The following LRRC4B variants were observed in gnomAD, a reference collection of about 807,000 sequenced individuals.
The protein encoded by LRRC4B is leucine-rich repeat-containing protein 4B.
LRRC4B carries 1 observed loss-of-function variant against 7.3 expected under a neutral mutation model. The observed-to-expected ratio is 0.14, with a 90% CI of 0.05 to 0.65. The LOEUF (loss-of-function observed/expected upper bound fraction) is 0.65. Ranked by LOEUF, LRRC4B falls within the 30% of genes least tolerant of loss-of-function variation. The pLI is 0.84. For missense variants in LRRC4B, 730 were observed against 1,041.6 expected, an observed-to-expected ratio of 0.70 and a Z score of 4.12; for synonymous variants, 500 against 499.2, an observed-to-expected ratio of 1.00 and a Z score of -0.02.
chr19:50,543,863 AAAAAAAAAAAGAAAG>A (rs1363244603), intron 2 of LRRC4B, among the ~76,000 whole-genome samples: 2 of 150,944 alleles, frequency 1.3e-5, no homozygotes, highest in Non-Finnish European at 3.0e-5. Flanking sequence ...AAAAAAAAAA[AAAAAAAAAAAGAAAG>A]AAAAGAAAAA....
chr19:50,538,671 C>T (rs747448587), intron 2 of LRRC4B, among the ~76,000 whole-genome samples: 1 of 145,834 alleles, frequency 6.9e-6, no homozygotes, highest in Non-Finnish European at 1.5e-5. Flanking sequence ...TGGCCTCATG[C>T]AATCTTCCCA....
In LRRC4B at chr19:50,563,538, C is replaced by A. The variant is rs1982536093; in HGVS notation, c.-36+4406G>T. Among the ~76,000 whole-genome samples, 1 of 152,142 alleles carries A rather than the reference C, an allele frequency of 6.6e-6. No individual in the cohort carries two copies. Among genetic ancestry groups the A allele is most frequent in the Admixed American group, 6.5e-5 (1 of 15,270 alleles). Reference sequence around the variant, plus strand: ...TTGCACCCCTATCTGGAGGTGAGGCCCTCCCTCCAGAAACAGCGTCCGCAT... The same window carrying A: ...TTGCACCCCTATCTGGAGGTGAGGCACTCCCTCCAGAAACAGCGTCCGCAT... On this transcript the variant is annotated intron_variant, in intron 1 of 2. Coordinates refer to ENST00000652263, the MANE Select transcript of LRRC4B (RefSeq NM_001080457.2). This position sits in a 1 kb window ranked among gnomAD's most constrained non-coding sequence, Gnocchi z 4.9.
chr19:50,523,570 C>T (rs939355925), intron 2 of LRRC4B, among the ~76,000 whole-genome samples: 20 of 151,220 alleles, frequency 1.3e-4, no homozygotes, highest in African/African-American at 3.4e-4. Context: ...CCCAGTTACT[C>T]GGGAGACTGA....
intron 2 of LRRC4B, among the ~76,000 whole-genome samples, chr19:50,542,151 G>A (rs1981576707): frequency 1.3e-5 from 2 of 152,206 alleles, no homozygotes; most frequent in Admixed American, 6.5e-5. Context: ...TGTGGGGAGA[G>A]GGTAAGGCGG....
At chr19:50,530,897 C>T (rs898996450) in intron 2 of LRRC4B, among the ~76,000 whole-genome samples, 15 of 143,240 alleles carry the variant, frequency 1.0e-4, no homozygotes, top group South Asian at 2.2e-4. Flanking sequence ...CCACCATGCA[C>T]GATTAATTTT....
intron 2 of LRRC4B, among the ~76,000 whole-genome samples, chr19:50,538,353 G>A (rs1356841946): frequency 6.6e-6 from 1 of 152,168 alleles, no homozygotes; most frequent in Non-Finnish European, 1.5e-5. Flanking sequence ...GCGAGCCACC[G>A]CGCCCGGCCC....
rs936965254 is a variant in LRRC4B, at chr19:50,537,831, T to C, written c.297+10711A>G. ...CCCCGAGATGGCGCTGCTGAGGGAA[T>C]GAAGAGGATAACTCAGCTGGAATGA... On this transcript the variant is annotated intron_variant, in intron 2 of 2. Transcript: ENST00000652263. The surrounding 1 kb of genome is among the most constrained non-coding windows in gnomAD (Gnocchi z 5.5). Among the ~76,000 whole-genome samples, 4 of 151,862 alleles carry C rather than the reference T, an allele frequency of 2.6e-5. No homozygotes were observed. Among genetic ancestry groups the C allele is most frequent in the African/African-American group, 9.7e-5 (4 of 41,326 alleles).
intron 2 of LRRC4B, among the ~76,000 whole-genome samples, chr19:50,520,396 GC>G (rs1031345914): frequency 4.7e-5 from 7 of 149,300 alleles, no homozygotes; most frequent in African/African-American, 1.7e-4. Context: ...TTGGGAGGCT[GC>G]AGTGGGTGGA....
rs758277944 is a variant in LRRC4B, at chr19:50,548,335, G to A, written c.297+207C>T. On this transcript the variant is annotated intron_variant, in intron 2 of 2. Coordinates refer to ENST00000652263, the MANE Select transcript of LRRC4B (RefSeq NM_001080457.2). The surrounding 1 kb of genome is among the most constrained non-coding windows in gnomAD (Gnocchi z 6.8). ...CCCGACACGGTGGCTCAGAGACAGG[G>A]AGCACTGTGCTCTCAAAGCCCGGAG... is the stretch of plus-strand genomic sequence containing the variant. Among the ~76,000 whole-genome samples, 75 of 152,268 alleles carry A rather than the reference G, an allele frequency of 4.9e-4. No individual in the cohort carries two copies. Among genetic ancestry groups the A allele is most frequent in the Admixed American group, 3.3e-3 (50 of 15,292 alleles).
intron 1 of LRRC4B, among the ~76,000 whole-genome samples, chr19:50,565,526 CGTGT>C (rs67157266): frequency 0.044 from 6,492 of 147,224 alleles, 161 homozygotes; most frequent in Non-Finnish European, 0.063. Context: ...TGTGTGCTCT[CGTGT>C]GTGTGTGTGT....
In LRRC4B at chr19:50,517,405, T is replaced by G; in HGVS notation, c.*166A>C. The G allele has an allele frequency of 2.0e-6, 1 of 507,744 alleles. No individual in the cohort carries two copies. The highest frequency in any genetic ancestry group is 8.2e-5 in the South Asian group (1 of 12,126). The allele number at this position is 507,744 out of a possible 1,614,324, so 31.5% of individuals were successfully genotyped here. A position where few individuals can be genotyped will look rare whatever the true frequency, so the allele number is the denominator to read the frequency against. On this transcript the variant is annotated 3_prime_UTR_variant, in exon 3 of 3. Transcript: ENST00000652263. This position sits in a 1 kb window ranked among gnomAD's most constrained non-coding sequence, Gnocchi z 6.6. ...TCCTGGAGCCCCACCCTGTCCTTACTGGGGGTCCGAGCCCCAGATGGGGCT... is the reference window on the plus strand; with the variant it reads ...TCCTGGAGCCCCACCCTGTCCTTACGGGGGGTCCGAGCCCCAGATGGGGCT...
chr19:50,531,187 C>T (rs1981044200), intron 2 of LRRC4B, among the ~76,000 whole-genome samples: 1 of 152,234 alleles, frequency 6.6e-6, no homozygotes, highest in African/African-American at 2.4e-5. Flanking sequence ...CTGCGGCACC[C>T]CAGGCTCCTG....
At position 50,519,206 on chromosome 19, in the gene LRRC4B, G is replaced by A; in HGVS notation, c.507C>T (p.Pro169=). 2 of 1,614,096 alleles carry A rather than the reference G, an allele frequency of 1.2e-6. No individual in the cohort carries two copies. The highest frequency in any genetic ancestry group is 1.7e-6 in the Non-Finnish European group (2 of 1,180,038). The part of the protein sequence containing the change: ...KLRELWLRNN[P]IESIPSYAFN... ...AGGCGTAGGAGGGGATGCTCTCGATGGGGTTGTTCCGCAGCCAGAGCTCCC... is the reference window on the plus strand; with the variant it reads ...AGGCGTAGGAGGGGATGCTCTCGATAGGGTTGTTCCGCAGCCAGAGCTCCC... The change falls in exon 3 of 3, where the codon CCC becomes CCT. Residue 169 remains proline, a synonymous_variant. Transcript: ENST00000652263. The surrounding 1 kb of genome is among the most constrained non-coding windows in gnomAD (Gnocchi z 8.1).
intron 2 of LRRC4B, among the ~76,000 whole-genome samples, chr19:50,523,223 G>A (rs1980658153): frequency 6.6e-6 from 1 of 152,218 alleles, no homozygotes; most frequent in Non-Finnish European, 1.5e-5. Flanking sequence ...GATCATATCT[G>A]CAAAGCCCAG....
chr19:50,552,721 T>TGCCC (rs1982142416), intron 1 of LRRC4B, among the ~76,000 whole-genome samples: 3 of 80,762 alleles, frequency 3.7e-5, no homozygotes, highest in African/African-American at 1.9e-4. Flanking sequence ...TCCATCCGTC[T>TGCCC]ATCCATCCGT....
intron 2 of LRRC4B, among the ~76,000 whole-genome samples, chr19:50,536,592 C>T (rs1981298951): frequency 2.0e-5 from 3 of 152,286 alleles, no homozygotes; most frequent in Non-Finnish European, 2.9e-5. Flanking sequence ...ATGGATTAGC[C>T]GGGGCTGTTC....
chr19:50,526,210 T>A (rs1002355722), intron 2 of LRRC4B, among the ~76,000 whole-genome samples: 5 of 152,176 alleles, frequency 3.3e-5, no homozygotes, highest in South Asian at 2.1e-4. Flanking sequence ...GAGCAGCTCA[T>A]CCGCCTGGCA....
intron 1 of LRRC4B, among the ~76,000 whole-genome samples, chr19:50,562,542 G>A (rs1034973403): frequency 1.3e-5 from 2 of 152,158 alleles, no homozygotes; most frequent in East Asian, 1.9e-4. Context: ...CCCTGGGGCT[G>A]GCCTCTGCAG....
intron 2 of LRRC4B, among the ~76,000 whole-genome samples, chr19:50,535,242 A>G (rs979587893): frequency 8.6e-5 from 13 of 151,970 alleles, no homozygotes; most frequent in African/African-American, 2.9e-4. Flanking sequence ...GCATGATTTC[A>G]GCTCACTGCA....
Sources: allele counts gnomAD v4.1 joint callset (sites outside exome capture counted in the v4.1 genomes callset), GRCh38; gene constraint gnomAD v4.1.1; non-coding constraint Gnocchi (gnomAD v3.1); transcripts MANE v1.5; gene names NCBI Gene and HGNC (gene_info 2026-07-23, HGNC 2026-07-21).